Variants in C21orf58 observed in about 807,000 individuals in gnomAD.
C21orf58 encodes the protein chromosome 21 open reading frame 58.
A neutral mutation model predicts 35.8 loss-of-function variants in C21orf58; 34 were observed. The observed-to-expected ratio is 0.95, with a 90% confidence interval of 0.72 to 1.26. The LOEUF (loss-of-function observed/expected upper bound fraction) is 1.26. C21orf58 is among the 50% of genes most tolerant of loss of function. The probability of loss-of-function intolerance (pLI) is 0.00; values close to 1 mark genes in which losing one functional copy is unlikely to be tolerated. For synonymous variants in C21orf58, 191 were observed against 175.8 expected, an observed-to-expected ratio of 1.09 and a Z score of -0.68; for missense variants, 440 against 414.3, an observed-to-expected ratio of 1.06 and a Z score of -0.54.
chr21:46,310,378 C>T (rs1445704398), intron 6 of C21orf58, among the ~76,000 whole-genome samples: 1 of 151,794 alleles, frequency 6.6e-6, no homozygotes, highest in Non-Finnish European at 1.5e-5. Context: ...ACTCGAGAGG[C>T]TGAGGCAGGA....
At chr21:46,318,966 G>C in intron 1 of C21orf58, 1 of 547,504 alleles carries the variant, frequency 1.8e-6, no homozygotes, top group South Asian at 7.9e-5. Context: ...CCAGACCTGT[G>C]GACCCGAGGG....
intron 6 of C21orf58, among the ~76,000 whole-genome samples, chr21:46,303,233 G>A (rs4819235): frequency 6.6e-6 from 1 of 152,082 alleles, no homozygotes; most frequent in Non-Finnish European, 1.5e-5. Context: ...CAGCTACTCA[G>A]GAGGCTGAGG....
Position 46,323,709 on chromosome 21 carries a change from G to A in C21orf58, c.-971C>T. ...CCTCAACTTCCCGCGGCGGCCCACA[G>A]CCAACGACTAATGCCTGAGCGGGAG... On this transcript the variant is annotated 5_prime_UTR_variant, in exon 1 of 8. Transcript: ENST00000291691. 1 of 193,310 alleles carries A rather than the reference G, an allele frequency of 5.2e-6. No individual in the cohort carries two copies. Among genetic ancestry groups the A allele is most frequent in the South Asian group, 7.7e-5 (1 of 12,934 alleles). 12.0% of individuals were successfully genotyped at this position (193,310 alleles called of 1,614,324 possible). A position where few individuals can be genotyped will look rare whatever the true frequency, so the allele number is the denominator to read the frequency against.
intron 3 of C21orf58, 119 bp downstream of exon 3, chr21:46,317,089 C>G: frequency 2.6e-6 from 2 of 782,100 alleles, no homozygotes; most frequent in Non-Finnish European, 4.2e-6. Context: ...CTCGCCGGTA[C>G]CAGGAGTGGG....
rs1412770225 is a variant in C21orf58 at position 46,301,720 on chromosome 21, G to A, written c.*279C>T. 1.5e-5 allele frequency: 18 copies of A among 1,198,986 alleles called. No homozygotes were observed. In the African/African-American group the frequency reaches 2.0e-4, roughly 14 times the overall value. The allele number at this position is 1,198,986 out of a possible 1,614,324, so 74.3% of individuals were successfully genotyped here. Reference sequence around the variant, plus strand: ...CAGGTGGGCCGGCGCCGCCCTACAGGAAAGGAGGGGTCCCTGGGAGGGGCT... The same window carrying A: ...CAGGTGGGCCGGCGCCGCCCTACAGAAAAGGAGGGGTCCCTGGGAGGGGCT... On this transcript the variant is annotated 3_prime_UTR_variant, in exon 8 of 8. Transcript: ENST00000291691.
downstream of C21orf58, chr21:46,300,920 A>G: frequency 9.4e-6 from 8 of 851,204 alleles, no homozygotes; most frequent in Non-Finnish European, 1.3e-5. Flanking sequence ...GAAATAGTCA[A>G]GGTAGCCTGT....
rs2082101961 is a variant in C21orf58 at position 46,301,399 on chromosome 21, A to C, written c.*600T>G. On this transcript the variant is annotated 3_prime_UTR_variant, in exon 8 of 8. Transcript: ENST00000291691. ...TGAGCTCAAGTGATCCTCCTGCCTCAGCCTCTTAAAGTGCTGGGATTACAG... is the reference window on the plus strand; with the variant it reads ...TGAGCTCAAGTGATCCTCCTGCCTCCGCCTCTTAAAGTGCTGGGATTACAG... The C allele has an allele frequency of 1.2e-6, 1 of 829,980 alleles. No homozygotes were observed. The highest frequency in any genetic ancestry group is 6.2e-5 in the Admixed American group (1 of 16,058). The allele number at this position is 829,980 out of a possible 1,614,324, so 51.4% of individuals were successfully genotyped here.
chr21:46,301,666 C>T lies in C21orf58; in HGVS notation c.*333G>A, dbSNP rs1368453141. ...GCGTCCACGGCCTCAACTTTACCTCCGTGATGGAAGAGGGGGATCTGAGGC... is the reference window on the plus strand; with the variant it reads ...GCGTCCACGGCCTCAACTTTACCTCTGTGATGGAAGAGGGGGATCTGAGGC... On this transcript the variant is annotated 3_prime_UTR_variant, in exon 8 of 8. Coordinates refer to ENST00000291691, the MANE Select transcript of C21orf58 (RefSeq NM_058180.5). The T allele has an allele frequency of 1.5e-5, 17 of 1,120,322 alleles. No individual in the cohort carries two copies. Among genetic ancestry groups the T allele is most frequent in the East Asian group, 9.5e-5 (2 of 20,982 alleles). The allele number at this position is 1,120,322 out of a possible 1,614,324, so 69.4% of individuals were successfully genotyped here.
At chr21:46,304,975 C>G (rs1384050724) in intron 6 of C21orf58, among the ~76,000 whole-genome samples, 2 of 152,216 alleles carry the variant, frequency 1.3e-5, no homozygotes, top group Non-Finnish European at 2.9e-5. Flanking sequence ...CTGTGTGGCT[C>G]CACTCACAGG....
At chr21:46,321,993 T>G (rs1277505457) in intron 1 of C21orf58, among the ~76,000 whole-genome samples, 1 of 151,278 alleles carries the variant, frequency 6.6e-6, no homozygotes, top group Non-Finnish European at 1.5e-5. Flanking sequence ...TTTTAATAGT[T>G]TAAAATGAAT....
downstream of C21orf58, chr21:46,300,719 C>G (rs1453990113): frequency 7.8e-7 from 1 of 1,286,856 alleles, no homozygotes; most frequent in Non-Finnish European, 1.0e-6. Context: ...TGTCTCCTAC[C>G]TGCAAACTTT....
intron 1 of C21orf58, chr21:46,320,795 G>A (rs2083129895): frequency 6.6e-6 from 1 of 152,134 alleles, no homozygotes; most frequent in African/African-American, 2.4e-5. Flanking sequence ...CCTTTTCGTT[G>A]AACTGGTTAA....
Position 46,302,002 on chromosome 21 carries a change from G to T in C21orf58, c.966C>A (p.Pro322=). 6.5e-7 allele frequency: 1 copy of T among 1,531,074 alleles called. No individual in the cohort carries two copies. Among genetic ancestry groups the T allele is most frequent in the Non-Finnish European group, 8.8e-7 (1 of 1,138,964 alleles). 94.8% of individuals were successfully genotyped at this position (1,531,074 alleles called of 1,614,324 possible). Residue 322 remains proline (P), a synonymous_variant, in exon 8 of 8, where the codon CCC becomes CCA. Transcript: ENST00000291691. Reference sequence around the variant, plus strand: ...CCAGGGTCTCTGTGACTCACACTCAGGGTGGGCCAGGCGTCCACAGGCTGG... The same window carrying T: ...CCAGGGTCTCTGTGACTCACACTCATGGTGGGCCAGGCGTCCACAGGCTGG... ...PAPSLWTPGP[P]
At chr21:46,305,826 C>T (rs376183121) in intron 6 of C21orf58, among the ~76,000 whole-genome samples, 1 of 152,048 alleles carries the variant, frequency 6.6e-6, no homozygotes, top group East Asian at 1.9e-4. Flanking sequence ...CATGTAGACC[C>T]AGCTACTCGG....
At chr21:46,312,913 A>C in intron 5 of C21orf58, 1 of 810,680 alleles carries the variant, frequency 1.2e-6, no homozygotes, top group Non-Finnish European at 1.5e-6. Flanking sequence ...AGAACACGTC[A>C]TGAAAATGAA....
intron 4 of C21orf58, 170 bp from the exon 5 acceptor site, chr21:46,315,050 C>G (rs1320894427): frequency 6.6e-7 from 1 of 1,513,696 alleles, no homozygotes; most frequent in Admixed American, 2.2e-5. Flanking sequence ...GGGTGGCCTC[C>G]TGAAATTGAC....
Position 46,315,457 on chromosome 21 carries a change from G to A in C21orf58, c.444+17C>T, listed in dbSNP as rs1219992583. The stretch of plus-strand genomic sequence containing the variant: ...CAGTGAGCTCAGCCAGGTTCGCTCA[G>A]AGGGTGCAGGGCCTACCCGGAGTCT... On this transcript the variant is annotated intron_variant, in intron 4 of 7. Coordinates refer to ENST00000291691, the MANE Select transcript of C21orf58 (RefSeq NM_058180.5). 2 of 1,532,232 alleles carry A rather than the reference G, an allele frequency of 1.3e-6. No homozygotes were observed. Among genetic ancestry groups the A allele is most frequent in the South Asian group, 1.1e-5 (1 of 89,514 alleles). The allele number at this position is 1,532,232 out of a possible 1,614,324, so 94.9% of individuals were successfully genotyped here.
At chr21:46,321,270 G>A (rs573984660) in intron 1 of C21orf58, among the ~76,000 whole-genome samples, 1 of 152,260 alleles carries the variant, frequency 6.6e-6, no homozygotes, top group African/African-American at 2.4e-5. Context: ...CCAGTTTCAA[G>A]CGATTCTTCT....
chr21:46,309,497 T>C (rs904595713), intron 6 of C21orf58, among the ~76,000 whole-genome samples: 82 of 151,810 alleles, frequency 5.4e-4, no homozygotes, highest in African/African-American at 2.0e-3. Flanking sequence ...TTTCAGATAT[T>C]CTGAGCAACA....
Sources: gnomAD v4.1 joint callset for allele counts (sites outside exome capture counted in the v4.1 genomes callset) on GRCh38, gnomAD v4.1.1 for gene constraint, MANE v1.5 for transcripts, NCBI Gene and HGNC (gene_info 2026-07-23, HGNC 2026-07-21) for gene names.